The following SIRPB1 variants were observed in gnomAD, a reference collection of about 807,000 sequenced individuals.
The protein encoded by SIRPB1 is signal regulatory protein beta 1.
In SIRPB1, 28 loss-of-function variants were observed where a neutral mutation model predicts 34.1. That is an observed-to-expected ratio of 0.82 (90% CI 0.61 to 1.12). The LOEUF (loss-of-function observed/expected upper bound fraction) is 1.12, where lower values mean the gene tolerates loss of function less well. Among genes scored for constraint, SIRPB1 ranks in the 50% most tolerant of loss-of-function variants. The probability of loss-of-function intolerance (pLI) is 0.00; values close to 1 mark genes in which losing one functional copy is unlikely to be tolerated. For missense variants in SIRPB1, 499 were observed against 507.0 expected (o/e 0.98, Z 0.15); for synonymous variants, 211 against 203.8 (o/e 1.04, Z -0.30).
At position 1,564,971 on chromosome 20, in the gene SIRPB1, T is replaced by A. The variant is rs2253698; in HGVS notation, c.*529A>T. ...GCAGGATACTAGAAGAAATACTGTC[T>A]CCATCACAGAGAGAGAAGGGAGAGC... On this transcript the variant is annotated 3_prime_UTR_variant, in exon 6 of 6. Transcript: ENST00000381605. 7.5e-6 allele frequency: 3 copies of A among 398,218 alleles called. No homozygotes were observed. Among genetic ancestry groups the A allele is most frequent in the African/African-American group, 6.2e-5 (3 of 48,514 alleles). The allele number at this position is 398,218 out of a possible 1,614,324, so 24.7% of individuals were successfully genotyped here.
chr20:1,616,455 T>C (rs2091631208), intron 1 of SIRPB1, among the ~76,000 whole-genome samples: 2 of 152,168 alleles, frequency 1.3e-5, no homozygotes, highest in Non-Finnish European at 2.9e-5. Context: ...GCAGACACAA[T>C]TGGGAAAGGT....
intron 1 of SIRPB1, 70 bp from the exon 2 acceptor site, chr20:1,578,764 C>A: frequency 2.3e-6 from 3 of 1,314,990 alleles, no homozygotes; most frequent in Non-Finnish European, 3.2e-6. Flanking sequence ...AAGTGTTTAT[C>A]AATGGCTTTC....
chr20:1,604,877 A>C lies in SIRPB1; in HGVS notation c.76+14992T>G. The C allele has an allele frequency of 3.3e-6, 2 of 610,386 alleles. 1 individual carries two copies. The highest frequency in any genetic ancestry group is 4.4e-6 in the Non-Finnish European group (2 of 456,846). 37.8% of individuals were successfully genotyped at this position (610,386 alleles called of 1,614,324 possible). On this transcript the variant is annotated intron_variant, in intron 1 of 5. Coordinates refer to ENST00000381605, the MANE Select transcript of SIRPB1 (RefSeq NM_006065.5). ...ACCTTGGCTGTGCTGTGGATGCTGTAGGACACACTGTCTCCTGCGGGGTCC... is the reference window on the plus strand; with the variant it reads ...ACCTTGGCTGTGCTGTGGATGCTGTCGGACACACTGTCTCCTGCGGGGTCC...
At chr20:1,578,745 T>C in intron 1 of SIRPB1, 51 bp from the exon 2 acceptor site, 1 of 1,431,762 alleles carries the variant, frequency 7.0e-7, no homozygotes. Context: ...TGATTCTCTG[T>C]GTTTCCTCAA....
At position 1,618,902 on chromosome 20, in the gene SIRPB1, G is replaced by A. The variant is rs1454816053; in HGVS notation, c.76+967C>T. ...ATGGGCTGAATGTGTCCCACAAAAT[G>A]CATGTGTTGAAGCTCTAATCCCCAG... On this transcript the variant is annotated intron_variant, in intron 1 of 5. Coordinates refer to ENST00000381605, the MANE Select transcript of SIRPB1 (RefSeq NM_006065.5). Among the ~76,000 whole-genome samples, 3 of 152,246 alleles carry A rather than the reference G, an allele frequency of 2.0e-5. No homozygotes were observed. In the East Asian group the frequency reaches 5.8e-4, roughly 29 times the overall value.
At chr20:1,569,795 T>C (rs1254190396) in intron 4 of SIRPB1, among the ~76,000 whole-genome samples, 2 of 152,198 alleles carry the variant, frequency 1.3e-5, no homozygotes, top group East Asian at 1.9e-4. Context: ...TGGGCCCTGA[T>C]GGGGAAGTTG....
chr20:1,619,667 C>G (rs370238082), intron 1 of SIRPB1, among the ~76,000 whole-genome samples: 1 of 152,166 alleles, frequency 6.6e-6, no homozygotes, highest in Non-Finnish European at 1.5e-5. Context: ...GTGGTTGAAT[C>G]GTCCTGTGGT....
intron 1 of SIRPB1, among the ~76,000 whole-genome samples, chr20:1,616,601 A>G (rs2091633240): frequency 6.9e-6 from 1 of 145,476 alleles, no homozygotes; most frequent in South Asian, 2.2e-4. Context: ...CTAAAAGTGT[A>G]AAAGTACTGG....
In SIRPB1 at chr20:1,578,537, G is replaced by A; in HGVS notation, c.234C>T (p.Ile78=). 1.3e-6 allele frequency: 2 copies of A among 1,583,874 alleles called. No homozygotes were observed. Among genetic ancestry groups the A allele is most frequent in the South Asian group, 2.2e-5 (2 of 90,498 alleles). The change falls in exon 2 of 6, where the codon ATC becomes ATT. Residue 78 remains isoleucine (I), a synonymous_variant. Transcript: ENST00000381605. The part of the protein sequence containing the change: ...FRGAGAGREL[I]YNQKEGHFPR... The stretch of plus-strand genomic sequence containing the variant: ...GGAAGTGGCCTTCTTTCTGATTGTA[G>A]ATTAATTCCCGGCCTGCTCCAGCTC...
chr20:1,577,791 T>C (rs2091338203), intron 2 of SIRPB1, among the ~76,000 whole-genome samples: 1 of 146,166 alleles, frequency 6.8e-6, no homozygotes, highest in African/African-American at 2.5e-5. Context: ...ACAACCACGA[T>C]TTACCCTCTC....
At chr20:1,619,503 C>A (rs886455085) in intron 1 of SIRPB1, among the ~76,000 whole-genome samples, 21 of 152,346 alleles carry the variant, frequency 1.4e-4, no homozygotes, top group East Asian at 3.9e-4. Flanking sequence ...GGGCCTAGAG[C>A]CACATAACCC....
intron 1 of SIRPB1, among the ~76,000 whole-genome samples, chr20:1,579,048 C>T (rs2091364240): frequency 6.8e-6 from 1 of 147,862 alleles, no homozygotes; most frequent in Non-Finnish European, 1.5e-5. Context: ...ATCTTCCAGG[C>T]TCAAGAGATC....
rs370255651 is a variant in SIRPB1, at chr20:1,566,207, A to G, written c.1145T>C (p.Leu382Pro). ...LVALLLGPKL[L>P]LVVGVSAIYI... ...GATGGCAGAGACACCAACCACCAGT[A>G]GCAGCTTGGGGCCCAGGAGGAGAGC... The change falls in exon 5 of 6, where the codon CTA (leucine) becomes CCA (proline). Residue 382 changes from leucine (L) to proline (P), a missense_variant. By Grantham distance (98) the Leu-to-Pro change is moderately conservative (BLOSUM62 -3). Coordinates refer to ENST00000381605, the MANE Select transcript of SIRPB1 (RefSeq NM_006065.5). 50 of 1,612,436 alleles carry G rather than the reference A, an allele frequency of 3.1e-5. No homozygotes were observed. The African/African-American group carries it at 6.7e-4, about 22-fold the overall frequency.
chr20:1,613,520 GA>G (rs2091587680), intron 1 of SIRPB1, among the ~76,000 whole-genome samples: 1 of 150,628 alleles, frequency 6.6e-6, no homozygotes, highest in Non-Finnish European at 1.5e-5. Flanking sequence ...TTAACAAAAT[GA>G]GAATGTAAAG....
At chr20:1,601,517 C>T (rs1379061334) in intron 1 of SIRPB1, among the ~76,000 whole-genome samples, 1 of 49,424 alleles carries the variant, frequency 2.0e-5, no homozygotes, top group Non-Finnish European at 3.9e-5. Flanking sequence ...AGAACCTTCA[C>T]CACACCCTAG....
intron 1 of SIRPB1, among the ~76,000 whole-genome samples, chr20:1,579,728 C>T (rs1429370419): frequency 1.3e-5 from 2 of 148,392 alleles, no homozygotes; most frequent in Non-Finnish European, 3.0e-5. Context: ...AGAAATGTAA[C>T]ATTTTATAGT....
intron 4 of SIRPB1, among the ~76,000 whole-genome samples, chr20:1,566,872 A>G (rs1022377210): frequency 7.2e-5 from 11 of 152,080 alleles, no homozygotes; most frequent in Non-Finnish European, 1.5e-4. Flanking sequence ...ACAAGACCCA[A>G]TTAAACCTGC....
intron 1 of SIRPB1, among the ~76,000 whole-genome samples, chr20:1,613,765 C>G (rs1260832642): frequency 6.6e-6 from 1 of 152,028 alleles, no homozygotes; most frequent in Non-Finnish European, 1.5e-5. Context: ...TCAACATACA[C>G]CTTACTGGAG....
At position 1,591,217 on chromosome 20, in the gene SIRPB1, A is replaced by G. The variant is rs140979173; in HGVS notation, c.77-12523T>C. ...AAGTAGTAAGTTATTGGGTTGGGGG[A>G]TCATGTGGGGAAATCCCTTAGGATT... On this transcript the variant is annotated intron_variant, in intron 1 of 5. Coordinates refer to ENST00000381605, the MANE Select transcript of SIRPB1 (RefSeq NM_006065.5). 4.1e-4 allele frequency among the ~76,000 whole-genome samples: 20 copies of G among 48,838 alleles called. 8 individuals are homozygous for G. The East Asian group carries it at 0.012, about 28-fold the overall frequency. The allele number at this position is 48,838 out of a possible 152,430, so 32.0% of individuals were successfully genotyped here. A position where few individuals can be genotyped will look rare whatever the true frequency, so the allele number is the denominator to read the frequency against.
Sources: allele counts gnomAD v4.1 joint callset (sites outside exome capture counted in the v4.1 genomes callset), GRCh38; gene constraint gnomAD v4.1.1; transcripts MANE v1.5; gene names NCBI Gene and HGNC (gene_info 2026-07-23, HGNC 2026-07-21).